The following THSD4 variants were observed in gnomAD, a reference collection of about 807,000 sequenced individuals.
THSD4 encodes thrombospondin type 1 domain containing 4.
In THSD4, 69 loss-of-function variants were observed where a neutral mutation model predicts 119.0. The ratio of observed to expected loss-of-function variants is 0.58; its 90% confidence interval spans 0.48 to 0.71. The LOEUF is 0.71. Ranked by LOEUF, THSD4 falls within the 30% of genes least tolerant of loss-of-function variation. The pLI is 0.00. For missense variants in THSD4, 1,393 were observed against 1,391.1 expected, an observed-to-expected ratio of 1.00 and a Z score of -0.02; for synonymous variants, 524 against 540.4, an observed-to-expected ratio of 0.97 and a Z score of 0.42.
At chr15:71,604,723 G>T (rs1007505346) in intron 7 of THSD4, among the ~76,000 whole-genome samples, 1 of 152,056 alleles carries the variant, frequency 6.6e-6, no homozygotes, top group Non-Finnish European at 1.5e-5. Flanking sequence ...TTCAATGTCA[G>T]TTATTTACTG....
intron 7 of THSD4, among the ~76,000 whole-genome samples, chr15:71,490,681 G>C (rs549828217): frequency 1.3e-5 from 2 of 149,928 alleles, no homozygotes; most frequent in African/African-American, 4.9e-5. Context: ...GTGAGCCAAG[G>C]TCGCACCACT....
At chr15:71,499,290 G>T (rs796668658) in intron 7 of THSD4, among the ~76,000 whole-genome samples, 63 of 152,184 alleles carry the variant, frequency 4.1e-4, no homozygotes, top group African/African-American at 1.5e-3. Context: ...GGCCAAGGAG[G>T]AAGCCTCTCT....
intron 7 of THSD4, among the ~76,000 whole-genome samples, chr15:71,542,678 C>A (rs1365077143): frequency 6.6e-6 from 1 of 151,978 alleles, no homozygotes; most frequent in Non-Finnish European, 1.5e-5. Flanking sequence ...GAGATGGAGA[C>A]CATCCTGGCT....
At chr15:71,472,223 G>C (rs1566996670) in intron 7 of THSD4, among the ~76,000 whole-genome samples, 1 of 152,122 alleles carries the variant, frequency 6.6e-6, no homozygotes, top group Non-Finnish European at 1.5e-5. Flanking sequence ...GGCCTAGTAA[G>C]TTTTTTATCC....
At chr15:71,479,578 G>A (rs889770017) in intron 7 of THSD4, among the ~76,000 whole-genome samples, 1 of 152,186 alleles carries the variant, frequency 6.6e-6, no homozygotes, top group African/African-American at 2.4e-5. Context: ...CTTTTCATTA[G>A]TCGATGGAAT....
chr15:71,472,680 C>T (rs1451549950), intron 7 of THSD4, among the ~76,000 whole-genome samples: 1 of 152,170 alleles, frequency 6.6e-6, no homozygotes, highest in Non-Finnish European at 1.5e-5. Flanking sequence ...TCTCCTGATG[C>T]GTCTTGGAAG....
chr15:71,736,928 C>T (rs2053124634), intron 10 of THSD4, among the ~76,000 whole-genome samples: 1 of 152,214 alleles, frequency 6.6e-6, no homozygotes, highest in African/African-American at 2.4e-5. Context: ...AAATTAGTAT[C>T]TCAAAAAGTG....
intron 8 of THSD4, among the ~76,000 whole-genome samples, chr15:71,722,129 T>A (rs2052734827): frequency 6.6e-6 from 1 of 152,190 alleles, no homozygotes; most frequent in Non-Finnish European, 1.5e-5. Flanking sequence ...CACCTGCACC[T>A]TTTTGTGAGG....
intron 7 of THSD4, among the ~76,000 whole-genome samples, chr15:71,657,097 A>G (rs1266489711): frequency 3.9e-5 from 6 of 152,176 alleles, no homozygotes. Flanking sequence ...CCTGTCCAGC[A>G]CGACATAGAG....
chr15:71,451,869 G>A (rs1375683994), intron 7 of THSD4, among the ~76,000 whole-genome samples: 2 of 152,170 alleles, frequency 1.3e-5, no homozygotes, highest in Admixed American at 6.5e-5. Flanking sequence ...CTTCTCTGCT[G>A]GTTCGTGCTG....
chr15:71,745,609 A>G lies in THSD4; in HGVS notation c.2036+374A>G, dbSNP rs564085872. Among the ~76,000 whole-genome samples the G allele has an allele frequency of 1.5e-3, 231 of 152,298 alleles. 1 individual carries two copies. The highest frequency in any genetic ancestry group is 5.2e-3 in the African/African-American group (217 of 41,568). On this transcript the variant is annotated intron_variant, in intron 12 of 17. Coordinates refer to ENST00000261862, the MANE Select transcript of THSD4 (RefSeq NM_024817.3). ...CAAAAACATCAGCCTGGAGAGGCCA[A>G]GAAAAGTGTCTCGGGAGAGGTCTTG... is the stretch of plus-strand genomic sequence containing the variant.
rs2053963567 is a variant in THSD4, at chr15:71,779,304, C to T, written c.*1930C>T. ...ACAAAGTGAAAAGAGACCAGAGAGGCCAAGCATATTGACTGGTGCTGTTCA... is the reference window on the plus strand; with the variant it reads ...ACAAAGTGAAAAGAGACCAGAGAGGTCAAGCATATTGACTGGTGCTGTTCA... On this transcript the variant is annotated 3_prime_UTR_variant, in exon 18 of 18. Transcript: ENST00000261862. 2 of 152,236 alleles carry T rather than the reference C, an allele frequency of 1.3e-5. No individual in the cohort carries two copies. Among genetic ancestry groups the T allele is most frequent in the Admixed American group, 1.3e-4 (2 of 15,284 alleles). The allele number at this position is 152,236 out of a possible 1,614,324, so 9.4% of individuals were successfully genotyped here. A position where few individuals can be genotyped will look rare whatever the true frequency, so the allele number is the denominator to read the frequency against.
chr15:71,477,318 A>G (rs1284865033), intron 7 of THSD4, among the ~76,000 whole-genome samples: 1 of 152,180 alleles, frequency 6.6e-6, no homozygotes, highest in African/African-American at 2.4e-5. Flanking sequence ...AGCTCCGAGC[A>G]TATGTGTGCA....
intron 6 of THSD4, among the ~76,000 whole-genome samples, chr15:71,266,421 C>T (rs1022851999): frequency 1.3e-5 from 2 of 152,080 alleles, no homozygotes; most frequent in African/African-American, 4.8e-5. Flanking sequence ...TCAACATCAA[C>T]AAAAAGGACG....
At chr15:71,548,408 C>G (rs562895593) in intron 7 of THSD4, among the ~76,000 whole-genome samples, 5 of 152,322 alleles carry the variant, frequency 3.3e-5, no homozygotes, top group African/African-American at 1.2e-4. Flanking sequence ...TTGTCAGGGA[C>G]CAAGCAGGCT....
chr15:71,732,555 T>C (rs943180955), intron 10 of THSD4: 15 of 152,210 alleles, frequency 9.9e-5, no homozygotes, highest in African/African-American at 3.6e-4. Context: ...ACACATTGAG[T>C]CCTTGCTGTG....
intron 7 of THSD4, among the ~76,000 whole-genome samples, chr15:71,482,218 T>C (rs2140669501): frequency 6.6e-6 from 1 of 152,142 alleles, no homozygotes; most frequent in South Asian, 2.1e-4. Flanking sequence ...TCCCATGGTC[T>C]CAAGAGGGCT....
At chr15:71,112,301 C>A, upstream of THSD4, 1 of 1,435,012 alleles carries the variant, frequency 7.0e-7, no homozygotes, top group Non-Finnish European at 9.3e-7. Flanking sequence ...TTAACTAGGA[C>A]AAGAGAATGA....
chr15:71,539,885 A>T (rs746641955), intron 7 of THSD4, among the ~76,000 whole-genome samples: 3 of 152,146 alleles, frequency 2.0e-5, no homozygotes, highest in Admixed American at 6.5e-5. Flanking sequence ...TGGAGGGCTC[A>T]CTCTGTATTG....
Sources: gnomAD v4.1 joint callset for allele counts (sites outside exome capture counted in the v4.1 genomes callset) on GRCh38, gnomAD v4.1.1 for gene constraint, MANE v1.5 for transcripts, NCBI Gene and HGNC (gene_info 2026-07-23, HGNC 2026-07-21) for gene names.